GTF2I: variants seen among roughly 807,000 people sequenced by gnomAD.
GTF2I encodes the protein general transcription factor IIi.
GTF2I carries 12 observed loss-of-function variants against 67.6 expected under a neutral mutation model. The ratio of observed to expected loss-of-function variants is 0.18; its 90% CI spans 0.11 to 0.29. The LOEUF is 0.29. Ranked by LOEUF, GTF2I falls within the 10% of genes least tolerant of loss-of-function variation. The probability of loss-of-function intolerance (pLI) is 1.00; values close to 1 mark genes in which losing one functional copy is unlikely to be tolerated. For missense variants in GTF2I, 271 were observed against 580.1 expected (o/e 0.47, Z 5.47); for synonymous variants, 149 against 197.0 (o/e 0.76, Z 2.04).
chr7:74,678,563 T>A (rs984915204), intron 1 of GTF2I, among the ~76,000 whole-genome samples: 1 of 152,106 alleles, frequency 6.6e-6, no homozygotes, highest in Non-Finnish European at 1.5e-5. Context: ...GGCCTGGTGT[T>A]TCTCATCAGT....
chr7:74,670,590 C>G (rs1353087017), intron 1 of GTF2I, among the ~76,000 whole-genome samples: 1 of 150,740 alleles, frequency 6.6e-6, no homozygotes, highest in African/African-American at 2.4e-5. Context: ...CCCAGGTACT[C>G]GAGGCAGGAG....
At chr7:74,662,043 C>G (rs1804543591) in intron 1 of GTF2I, among the ~76,000 whole-genome samples, 1 of 151,958 alleles carries the variant, frequency 6.6e-6, no homozygotes, top group African/African-American at 2.4e-5. Flanking sequence ...GGTTGGGGAG[C>G]ATTGTGTGCT....
At chr7:74,709,206 C>G (rs781977228) in intron 8 of GTF2I, among the ~76,000 whole-genome samples, 1 of 152,276 alleles carries the variant, frequency 6.6e-6, no homozygotes, top group African/African-American at 2.4e-5. Context: ...GTCTACGTTT[C>G]TGCAGCTTAC....
intron 1 of GTF2I, among the ~76,000 whole-genome samples, chr7:74,668,332 TG>T (rs1805169069): frequency 3.2e-4 from 1 of 3,164 alleles, no homozygotes; most frequent in Non-Finnish European, 4.5e-4. Flanking sequence ...CAAAGCCCAT[TG>T]TGTGTGTGTG....
chr7:74,666,999 G>A (rs1805040978), intron 1 of GTF2I, among the ~76,000 whole-genome samples: 1 of 151,466 alleles, frequency 6.6e-6, no homozygotes, highest in Admixed American at 6.6e-5. Flanking sequence ...AAACAAATTA[G>A]CTAGGCGTGG....
At chr7:74,732,222 A>G (rs1611794) in intron 14 of GTF2I, among the ~76,000 whole-genome samples, 55 of 148,854 alleles carry the variant, frequency 3.7e-4, no homozygotes, top group East Asian at 3.3e-3. Context: ...AAAATACAAA[A>G]AATTAGCTGG....
intron 15 of GTF2I, 75 bp downstream of exon 15, chr7:74,732,737 T>C: frequency 6.5e-7 from 1 of 1,538,806 alleles, no homozygotes; most frequent in Non-Finnish European, 8.7e-7. Flanking sequence ...TGACCAATAT[T>C]CATTCACCAC....
chr7:74,700,835 C>T (rs1475283226), intron 6 of GTF2I, among the ~76,000 whole-genome samples: 1 of 152,204 alleles, frequency 6.6e-6, no homozygotes, highest in Non-Finnish European at 1.5e-5. Context: ...TTCAGCTTCG[C>T]TGCTTGTTTT....
chr7:74,674,142 T>A (rs868963557), intron 1 of GTF2I, among the ~76,000 whole-genome samples: 1 of 148,964 alleles, frequency 6.7e-6, no homozygotes, highest in Admixed American at 6.9e-5. Flanking sequence ...TGGTCATAGG[T>A]CACTGCAGCG....
At chr7:74,702,386 C>G (rs1554400121) in intron 6 of GTF2I, among the ~76,000 whole-genome samples, 1 of 152,180 alleles carries the variant, frequency 6.6e-6, no homozygotes, top group Non-Finnish European at 1.5e-5. Flanking sequence ...CGCCACCACA[C>G]CCGGCTAATT....
At chr7:74,723,444 T>TTTTTTTTTTTTTTTG (rs1793340205) in intron 12 of GTF2I, among the ~76,000 whole-genome samples, 1 of 136,496 alleles carries the variant, frequency 7.3e-6, no homozygotes, top group African/African-American at 2.8e-5. Flanking sequence ...TTTTTTTTTT[T>TTTTTTTTTTTTTTTG]TTTTAAGACG....
At chr7:74,705,414 A>G (rs1434738263) in intron 7 of GTF2I, among the ~76,000 whole-genome samples, 196 bp downstream of exon 7, 1 of 152,184 alleles carries the variant, frequency 6.6e-6, no homozygotes, top group Non-Finnish European at 1.5e-5. Flanking sequence ...GTTCCTGGGA[A>G]AAGCCAGAGG....
Position 74,657,761 on chromosome 7 carries a change from C to A in GTF2I, c.-313C>A, listed in dbSNP as rs1399595365. 1 of 152,168 alleles carries A rather than the reference C, an allele frequency of 6.6e-6. No individual in the cohort carries two copies. The highest frequency in any genetic ancestry group is 1.5e-5 in the Non-Finnish European group (1 of 68,222). The allele number at this position is 152,168 out of a possible 1,614,324, so 9.4% of individuals were successfully genotyped here. A position where few individuals can be genotyped will look rare whatever the true frequency, so the allele number is the denominator to read the frequency against. On this transcript the variant is annotated 5_prime_UTR_variant, in exon 1 of 35. Coordinates refer to ENST00000573035, the MANE Select transcript of GTF2I (RefSeq NM_032999.4). ...GCAGAGAAAAGGGGCCACCGGTCGC[C>A]CCCCCGCTTCCCCGCACGCGCTCTC...
chr7:74,718,592 C>T (rs1792549423), intron 11 of GTF2I, among the ~76,000 whole-genome samples: 1 of 152,224 alleles, frequency 6.6e-6, no homozygotes, highest in Admixed American at 6.5e-5. Flanking sequence ...TTCATTGTGA[C>T]TTTGTCATAT....
Position 74,707,036 on chromosome 7 carries a change from G to A in GTF2I, c.685+603G>A, listed in dbSNP as rs190869880. 1.1e-4 allele frequency among the ~76,000 whole-genome samples: 17 copies of A among 152,194 alleles called. No individual in the cohort carries two copies. In the East Asian group the frequency reaches 2.3e-3, roughly 21 times the overall value. ...GACTAATTTTTGTATTTTTAGTAGC[G>A]ACGGGGTTTCGCCAGGTTGGCCTGG... On this transcript the variant is annotated intron_variant, in intron 8 of 34. Coordinates refer to ENST00000573035, the MANE Select transcript of GTF2I (RefSeq NM_032999.4).
At chr7:74,683,849 TC>T (rs1554394723) in intron 1 of GTF2I, among the ~76,000 whole-genome samples, 9 of 150,700 alleles carry the variant, frequency 6.0e-5, no homozygotes. Flanking sequence ...CGAGACTCCT[TC>T]CCCCCACCAA....
intron 10 of GTF2I, among the ~76,000 whole-genome samples, chr7:74,715,917 A>G (rs782561594): frequency 2.6e-5 from 4 of 152,230 alleles, no homozygotes; most frequent in Admixed American, 2.0e-4. Flanking sequence ...GACCGTAAGC[A>G]TTGCTTTTTA....
intron 1 of GTF2I, among the ~76,000 whole-genome samples, chr7:74,678,013 G>T (rs1806061209): frequency 6.6e-6 from 1 of 151,872 alleles, no homozygotes; most frequent in South Asian, 2.1e-4. Context: ...CTTAGGTTTG[G>T]ACGGAAAATT....
intron 2 of GTF2I, among the ~76,000 whole-genome samples, chr7:74,690,133 T>C (rs1463412829): frequency 2.6e-5 from 4 of 151,942 alleles, no homozygotes; most frequent in Non-Finnish European, 4.4e-5. Flanking sequence ...GAGAATTGCT[T>C]GAACCCGTGA....
Sources: allele counts gnomAD v4.1 joint callset (sites outside exome capture counted in the v4.1 genomes callset), GRCh38; gene constraint gnomAD v4.1.1; transcripts MANE v1.5; gene names NCBI Gene and HGNC (gene_info 2026-07-23, HGNC 2026-07-21).